NEBL: variants seen among roughly 807,000 people sequenced by gnomAD.
NEBL encodes the protein nebulette.
Under a neutral mutation model 140.2 loss-of-function variants are expected in NEBL, and 122 were observed. That is an observed-to-expected ratio of 0.87 (90% CI 0.75 to 1.01). The LOEUF (loss-of-function observed/expected upper bound fraction) is 1.01. Among genes scored for constraint, NEBL ranks in the 50% least tolerant of loss-of-function variants. NEBL has a pLI of 0.00. For synonymous variants in NEBL, 436 were observed against 398.9 expected (o/e 1.09, Z -1.11); for missense variants, 1,365 against 1,231.3 (o/e 1.11, Z -1.62).
intron 3 of NEBL, among the ~76,000 whole-genome samples, chr10:20,968,531 A>G (rs1836431412): frequency 6.6e-6 from 1 of 152,230 alleles, no homozygotes; most frequent in Admixed American, 6.5e-5. Flanking sequence ...AAATACATAC[A>G]TAAATATGGA....
intron 2 of NEBL, among the ~76,000 whole-genome samples, chr10:21,087,920 C>A (rs543983999): frequency 6.6e-6 from 1 of 152,158 alleles, no homozygotes; most frequent in South Asian, 2.1e-4. Flanking sequence ...ATAGGCAAAT[C>A]GATTTCTGCC....
rs2131703761 is a variant in NEBL, at chr10:20,997,687, GAAT to G, written c.249+22427_249+22429del. On this transcript the variant is annotated intron_variant, in intron 3 of 6. Transcript: ENST00000417816. ...ACTTTTTAAAATGTTTTTGAAATGT[GAAT>G]AATATATTATTTCATTGGTTTTATA... Among the ~76,000 whole-genome samples, 2 of 151,994 alleles carry G rather than the reference GAAT, an allele frequency of 1.3e-5. 1 individual carries two copies. The highest frequency in any genetic ancestry group is 4.2e-4 in the South Asian group (2 of 4,816).
chr10:20,978,961 A>T (rs1001280760), intron 3 of NEBL, among the ~76,000 whole-genome samples: 3 of 152,212 alleles, frequency 2.0e-5, no homozygotes, highest in African/African-American at 7.2e-5. Flanking sequence ...ATACAGTCAT[A>T]TTACGGCATC....
intron 17 of NEBL, 66 bp downstream of exon 17, chr10:20,828,464 A>T (rs1840094353): frequency 9.4e-7 from 1 of 1,068,914 alleles, no homozygotes. Context: ...ACAATGAGGA[A>T]AAAAGACCAT....
chr10:21,142,449 C>G (rs1345329168), intron 2 of NEBL, among the ~76,000 whole-genome samples: 3 of 152,126 alleles, frequency 2.0e-5, no homozygotes, highest in Admixed American at 1.3e-4. Context: ...TAAGAGAATA[C>G]TTGGGCAAAC....
At chr10:21,188,550 AAC>A (rs1301813556) in intron 3 of NEBL, among the ~76,000 whole-genome samples, 3 of 152,164 alleles carry the variant, frequency 2.0e-5, no homozygotes, top group East Asian at 1.9e-4. Flanking sequence ...GCAAAATGTG[AAC>A]ATGCAAAAAT....
chr10:20,855,268 T>G (rs1172780585), intron 9 of NEBL, among the ~76,000 whole-genome samples: 1 of 149,736 alleles, frequency 6.7e-6, no homozygotes, highest in African/African-American at 2.5e-5. Flanking sequence ...CCAGTTAAAA[T>G]CTGGAAAGAA....
At chr10:21,220,634 A>G (rs1842054213) in intron 3 of NEBL, among the ~76,000 whole-genome samples, 1 of 152,206 alleles carries the variant, frequency 6.6e-6, no homozygotes, top group Non-Finnish European at 1.5e-5. Context: ...CAACAAAAGC[A>G]AAAATAGGCA....
At chr10:21,034,824 C>G (rs1024379464) in intron 2 of NEBL, among the ~76,000 whole-genome samples, 2 of 151,980 alleles carry the variant, frequency 1.3e-5, no homozygotes, top group East Asian at 1.9e-4. Context: ...TTTTAAGTTC[C>G]AGGGTACATG....
At chr10:21,277,381 G>T (rs1200047385) in intron 1 of NEBL, among the ~76,000 whole-genome samples, 1 of 151,938 alleles carries the variant, frequency 6.6e-6, no homozygotes, top group Non-Finnish European at 1.5e-5. Flanking sequence ...GCTAAATTTT[G>T]TATTTTTAGT....
chr10:20,993,061 T>C (rs952622238), intron 3 of NEBL, among the ~76,000 whole-genome samples: 1 of 151,830 alleles, frequency 6.6e-6, no homozygotes, highest in Non-Finnish European at 1.5e-5. Context: ...GGGATTACAG[T>C]CGTGAGCCAC....
intron 16 of NEBL, among the ~76,000 whole-genome samples, chr10:20,830,912 TAAAAAAAA>T (rs371760760): frequency 2.2e-5 from 2 of 92,368 alleles, no homozygotes; most frequent in Admixed American, 2.6e-4. Context: ...CTCTAAAATT[TAAAAAAAA>T]AAAAAAAAAA....
chr10:21,114,343 A>G (rs1838181770), intron 2 of NEBL, among the ~76,000 whole-genome samples: 1 of 152,094 alleles, frequency 6.6e-6, no homozygotes, highest in African/African-American at 2.4e-5. Flanking sequence ...ATGGCCCAAA[A>G]TATGGTCTAT....
At chr10:20,927,617 C>T (rs1469499867) in intron 4 of NEBL, among the ~76,000 whole-genome samples, 1 of 152,164 alleles carries the variant, frequency 6.6e-6, no homozygotes, top group African/African-American at 2.4e-5. Context: ...CAAAACCTAT[C>T]TTTTAAGTGT....
At chr10:21,290,736 T>C (rs545236518) in intron 1 of NEBL, among the ~76,000 whole-genome samples, 3 of 152,268 alleles carry the variant, frequency 2.0e-5, no homozygotes, top group African/African-American at 7.2e-5. Context: ...TCCCAGGCCA[T>C]TGTCTATTAT....
At chr10:20,959,561 G>A (rs1428365315) in intron 4 of NEBL, among the ~76,000 whole-genome samples, 1 of 152,092 alleles carries the variant, frequency 6.6e-6, no homozygotes, top group Admixed American at 6.6e-5. Flanking sequence ...AGTGAGGTAA[G>A]GGAAAAAGTT....
chr10:20,897,221 T>C lies in NEBL; in HGVS notation c.-16A>G. The C allele has an allele frequency of 6.5e-7, 1 of 1,545,042 alleles. No homozygotes were observed. Among genetic ancestry groups the C allele is most frequent in the Non-Finnish European group, 8.7e-7 (1 of 1,144,458 alleles). ...GGACCCTCATTTTTACCCTTTAAAA[T>C]ATTTATATTTTTAAAATTTACTCAT... On this transcript the variant is annotated 5_prime_UTR_variant, in exon 1 of 28. In the 5' UTR this introduces an upstream ATG that the reference lacks. Coordinates refer to ENST00000377122, the MANE Select transcript of NEBL (RefSeq NM_006393.3).
intron 3 of NEBL, among the ~76,000 whole-genome samples, chr10:21,209,358 A>G (rs377655966): frequency 1.2e-4 from 19 of 152,358 alleles, no homozygotes; most frequent in South Asian, 8.3e-4. Context: ...AATTTTTAGT[A>G]TAAGTATGTA....
At chr10:21,237,309 A>G (rs915485337) in intron 3 of NEBL, among the ~76,000 whole-genome samples, 2 of 151,962 alleles carry the variant, frequency 1.3e-5, no homozygotes, top group African/African-American at 4.8e-5. Context: ...GGTTCAAGCA[A>G]TTCTCCTGCC....
Sources: allele counts gnomAD v4.1 joint callset (sites outside exome capture counted in the v4.1 genomes callset), GRCh38; gene constraint gnomAD v4.1.1; transcripts MANE v1.5; gene names NCBI Gene and HGNC (gene_info 2026-07-23, HGNC 2026-07-21).